Variants in IL1RL1 observed in about 807,000 individuals in gnomAD.
IL1RL1 encodes interleukin-1 receptor-like 1.
A neutral mutation model predicts 50.9 loss-of-function variants in IL1RL1; 32 were observed. The ratio of observed to expected loss-of-function variants is 0.63; its 90% CI spans 0.47 to 0.84. The LOEUF is 0.84. Ranked by LOEUF, IL1RL1 falls within the 40% of genes least tolerant of loss-of-function variation. IL1RL1 has a pLI of 0.00. For synonymous variants in IL1RL1, 275 were observed against 236.0 expected (o/e 1.17, Z -1.51); for missense variants, 773 against 662.9 (o/e 1.17, Z -1.82).
chr2:102,348,879 C>T (rs570802880), intron 9 of IL1RL1, among the ~76,000 whole-genome samples, 200 bp from the exon 10 acceptor site: 1 of 152,252 alleles, frequency 6.6e-6, no homozygotes, highest in African/African-American at 2.4e-5. Flanking sequence ...AAAGGAGAAA[C>T]ACTTTGGGAT....
At chr2:102,340,620 T>G in intron 4 of IL1RL1, 46 bp from the exon 5 acceptor site, 3 of 1,558,428 alleles carry the variant, frequency 1.9e-6, no homozygotes, top group Non-Finnish European at 2.6e-6. Flanking sequence ...GATAAATAAA[T>G]AAAAGTGAAG....
Position 102,332,433 on chromosome 2 carries a change from A to T in IL1RL1, c.-149-5683A>T, listed in dbSNP as rs557279747. On this transcript the variant is annotated intron_variant, in intron 1 of 10. Coordinates refer to ENST00000233954, the MANE Select transcript of IL1RL1 (RefSeq NM_016232.5). Reference sequence around the variant, plus strand: ...CCCATTAAGGGATGAATGGATAAACAAAGTGTGGTAGGCACACACAGTGGA... The same window carrying T: ...CCCATTAAGGGATGAATGGATAAACTAAGTGTGGTAGGCACACACAGTGGA... Among the ~76,000 whole-genome samples, 7 of 152,334 alleles carry T rather than the reference A, an allele frequency of 4.6e-5. No homozygotes were observed. In the South Asian group the frequency reaches 1.5e-3, roughly 32 times the overall value.
rs1426576645 is a variant in IL1RL1, at chr2:102,340,777, G to A, written c.559G>A (p.Glu187Lys). 6.3e-7 allele frequency: 1 copy of A among 1,589,718 alleles called. No homozygotes were observed. The highest frequency in any genetic ancestry group is 8.5e-7 in the Non-Finnish European group (1 of 1,172,908). The part of the protein sequence containing the change: ...GDYTCKFIHN[E>K]NGANYSVTAT... ...TTACACCTGTAAATTTATACACAAT[G>A]AAAATGGAGCCAATTATAGTGTGAC... The change falls in exon 5 of 11, where the codon GAA becomes AAA. Residue 187 changes from glutamate to lysine, a missense_variant. Glu to Lys is a moderately conservative substitution (Grantham distance 56, BLOSUM62 1). Coordinates refer to ENST00000233954, the MANE Select transcript of IL1RL1 (RefSeq NM_016232.5).
At chr2:102,323,273 AG>A (rs1343243133) in intron 1 of IL1RL1, among the ~76,000 whole-genome samples, 2,293 of 47,766 alleles carry the variant, frequency 0.048, 84 homozygotes, top group African/African-American at 0.16. Flanking sequence ...ATATATATAT[AG>A]TGTGTGTGTG....
chr2:102,341,250 C>A, intron 5 of IL1RL1: 1 of 1,235,974 alleles, frequency 8.1e-7, no homozygotes, highest in Non-Finnish European at 1.0e-6. Context: ...TCATTGGATT[C>A]AAAGTCTAAT....
At chr2:102,319,363 AT>A (rs902062424) in intron 1 of IL1RL1, among the ~76,000 whole-genome samples, 6 of 152,268 alleles carry the variant, frequency 3.9e-5, no homozygotes, top group Non-Finnish European at 5.9e-5. Context: ...TGATGGAACA[AT>A]TTTTTTAGAT....
intron 1 of IL1RL1, among the ~76,000 whole-genome samples, chr2:102,331,499 C>T (rs1677177411): frequency 6.6e-6 from 1 of 152,192 alleles, no homozygotes; most frequent in South Asian, 2.1e-4. Context: ...ACATGGCCAC[C>T]AGCCCATTTC....
chr2:102,347,910 G>A (rs754579189), intron 8 of IL1RL1, 35 bp from the exon 9 acceptor site: 1 of 1,240,976 alleles, frequency 8.1e-7, no homozygotes, highest in Admixed American at 1.8e-5. Context: ...TCTTGTTTCA[G>A]TAGTAATAAT....
intron 1 of IL1RL1, among the ~76,000 whole-genome samples, chr2:102,329,196 G>C (rs1677102184): frequency 6.6e-6 from 1 of 152,072 alleles, no homozygotes; most frequent in Non-Finnish European, 1.5e-5. Flanking sequence ...ATGTCTACAA[G>C]TATCTGATCT....
intron 1 of IL1RL1, among the ~76,000 whole-genome samples, chr2:102,337,832 T>C (rs904062902): frequency 1.3e-5 from 2 of 152,224 alleles, no homozygotes; most frequent in African/African-American, 2.4e-5. Context: ...CTCATATTCT[T>C]TCCTTCTTAA....
At chr2:102,326,260 T>A (rs1310640580) in intron 1 of IL1RL1, among the ~76,000 whole-genome samples, 3 of 152,126 alleles carry the variant, frequency 2.0e-5, no homozygotes, top group East Asian at 1.9e-4. Context: ...CTAAGCTTCA[T>A]AAGTGAAGGA....
At chr2:102,350,970 T>C (rs6751977) in intron 10 of IL1RL1, among the ~76,000 whole-genome samples, 68,304 of 151,688 alleles carry the variant, frequency 0.45, 17,548 homozygotes, top group African/African-American at 0.7. Flanking sequence ...GCTGTATAAA[T>C]GCCAAATGGG....
chr2:102,311,891 A>G, intron 1 of IL1RL1, among the ~76,000 whole-genome samples: 1 of 35,204 alleles, frequency 2.8e-5, no homozygotes, highest in South Asian at 6.1e-4. Flanking sequence ...TATAATATAT[A>G]ATATATCATA....
Position 102,343,388 on chromosome 2 carries a change from A to T in IL1RL1, c.943A>T (p.Thr315Ser). 6.2e-7 allele frequency: 1 copy of T among 1,614,232 alleles called. No homozygotes were observed. Among genetic ancestry groups the T allele is most frequent in the Non-Finnish European group, 8.5e-7 (1 of 1,180,038 alleles). ...GAATTTGCATGGCTTGAGAAGGCAC[A>T]CCGTAAGACTAAGTAGGAAAAATCC... ...ALNLHGLRRH[T>S]VRLSRKNPID... The change falls in exon 8 of 11, where the codon ACC becomes TCC. Residue 315 changes from threonine to serine, a missense_variant. By Grantham distance (58) the Thr-to-Ser change is moderately conservative (BLOSUM62 1). Transcript: ENST00000233954.
chr2:102,341,883 T>A (rs2104989781), intron 5 of IL1RL1, among the ~76,000 whole-genome samples: 1 of 152,324 alleles, frequency 6.6e-6, no homozygotes, highest in South Asian at 2.1e-4. Flanking sequence ...TTCTCTGTAG[T>A]CTTATTCTTA....
intron 10 of IL1RL1, among the ~76,000 whole-genome samples, chr2:102,349,651 G>C (rs1677878440): frequency 6.6e-6 from 1 of 152,162 alleles, no homozygotes; most frequent in Admixed American, 6.5e-5. Context: ...TACCTTAAAA[G>C]TACTCAGAGA....
chr2:102,342,223 A>T lies in IL1RL1; in HGVS notation c.611A>T (p.Asp204Val), dbSNP rs769955996. The stretch of plus-strand genomic sequence containing the variant: ...ATTTATATTTCTTTTTGTCTTTAAG[A>T]TGAGCAAGGCTTTTCTCTGTTTCCA... ...VTATRSFTVK[D>V]EQGFSLFPVI... Residue 204 changes from aspartate to valine, a missense_variant and splice_region_variant, in exon 6 of 11, where the codon GAT becomes GTT. By Grantham distance (152) the Asp-to-Val change is radical (BLOSUM62 -3). Coordinates refer to ENST00000233954, the MANE Select transcript of IL1RL1 (RefSeq NM_016232.5). 3 of 1,604,342 alleles carry T rather than the reference A, an allele frequency of 1.9e-6. No individual in the cohort carries two copies. The African/African-American group carries it at 4.0e-5, about 21-fold the overall frequency.
At chr2:102,320,831 C>A (rs998095702) in intron 1 of IL1RL1, among the ~76,000 whole-genome samples, 1 of 152,206 alleles carries the variant, frequency 6.6e-6, no homozygotes, top group African/African-American at 2.4e-5. Flanking sequence ...CTGGATACCT[C>A]ATCCCTTGCC....
At position 102,339,232 on chromosome 2, in the gene IL1RL1, C is replaced by T. The variant is rs535994225; in HGVS notation, c.272+185C>T. On this transcript the variant is annotated intron_variant, in intron 3 of 10. Coordinates refer to ENST00000233954, the MANE Select transcript of IL1RL1 (RefSeq NM_016232.5). ...AATACTATCAGGTTGAGGTCTAGCT[C>T]ATTCTGAGCTATTTGGATTTACAGT... 1.9e-4 allele frequency: 104 copies of T among 559,538 alleles called. 2 individuals carry two copies. The highest frequency in any genetic ancestry group is 2.9e-4 in the Non-Finnish European group (90 of 314,686). The allele number at this position is 559,538 out of a possible 1,614,324, so 34.7% of individuals were successfully genotyped here.
Sources: gnomAD v4.1 joint callset for allele counts (sites outside exome capture counted in the v4.1 genomes callset) on GRCh38, gnomAD v4.1.1 for gene constraint, MANE v1.5 for transcripts, NCBI Gene and HGNC (gene_info 2026-07-23, HGNC 2026-07-21) for gene names.